Variants in ZBTB17 observed in about 807,000 individuals in gnomAD.
The protein encoded by ZBTB17 is zinc finger and BTB domain-containing protein 17.
In ZBTB17, 24 loss-of-function variants were observed where a neutral mutation model predicts 85.1. The observed-to-expected ratio is 0.28, with a 90% CI of 0.20 to 0.40. The LOEUF (loss-of-function observed/expected upper bound fraction) is 0.40. Among genes scored for constraint, ZBTB17 ranks in the 10% least tolerant of loss-of-function variants. ZBTB17 has a pLI of 1.00. For synonymous variants in ZBTB17, 464 were observed against 460.2 expected (o/e 1.01, Z -0.11); for missense variants, 743 against 1,105.1 (o/e 0.67, Z 4.65).
Position 15,951,886 on chromosome 1 carries a change from C to A in ZBTB17, c.-2-3389G>T, listed in dbSNP as rs1324673618. Among the ~76,000 whole-genome samples, 1 of 152,064 alleles carries A rather than the reference C, an allele frequency of 6.6e-6. No homozygotes were observed. Among genetic ancestry groups the A allele is most frequent in the Non-Finnish European group, 1.5e-5 (1 of 68,008 alleles). On this transcript the variant is annotated intron_variant, in intron 2 of 15. Transcript: ENST00000375743. The surrounding 1 kb of genome is among the most constrained non-coding windows in gnomAD (Gnocchi z 4.1). ...CTGGGGAGACGTTAACCACAGTAAT[C>A]AGATCAACAGCCAGCTGCTCCCCAT...
chr1:15,959,072 G>C (rs2072155340), intron 2 of ZBTB17, among the ~76,000 whole-genome samples: 1 of 152,230 alleles, frequency 6.6e-6, no homozygotes, highest in African/African-American at 2.4e-5. Flanking sequence ...CTGGTGCCAA[G>C]AATCCAACAC....
In ZBTB17 at chr1:15,953,669, G is replaced by C. The variant is rs2071945420; in HGVS notation, c.-2-5172C>G. Among the ~76,000 whole-genome samples, 1 of 152,230 alleles carries C rather than the reference G, an allele frequency of 6.6e-6. No individual in the cohort carries two copies. Among genetic ancestry groups the C allele is most frequent in the Non-Finnish European group, 1.5e-5 (1 of 68,040 alleles). ...GCCTCCACGACGCAGGGATTCCAGT[G>C]GCGGCTGAGCCCCATGGAAGCAGCA... On this transcript the variant is annotated intron_variant, in intron 2 of 15. Coordinates refer to ENST00000375743, the MANE Select transcript of ZBTB17 (RefSeq NM_003443.3). The surrounding 1 kb of genome is among the most constrained non-coding windows in gnomAD (Gnocchi z 5.1).
chr1:15,963,521 A>G (rs1047677565), intron 2 of ZBTB17, among the ~76,000 whole-genome samples: 4 of 152,158 alleles, frequency 2.6e-5, no homozygotes, highest in Non-Finnish European at 5.9e-5. Context: ...CCCCATCCCC[A>G]GAGGGAGGTC....
intron 4 of ZBTB17, among the ~76,000 whole-genome samples, chr1:15,946,642 TTTATC>T (rs1447675189): frequency 3.3e-5 from 5 of 152,190 alleles, no homozygotes; most frequent in African/African-American, 9.7e-5. Flanking sequence ...TCTGAGGGCT[TTTATC>T]TTAGCAGCTA....
At chr1:15,947,211 A>G in intron 3 of ZBTB17, 88 bp from the exon 4 acceptor site, 1 of 1,366,324 alleles carries the variant, frequency 7.3e-7, no homozygotes, top group Non-Finnish European at 9.9e-7. Flanking sequence ...AGCAGGACGC[A>G]GGGATTTAGG....
rs561284437 is a variant in ZBTB17 at position 15,972,501 on chromosome 1, G to T, written c.-3+538C>A. Reference sequence around the variant, plus strand: ...GATGCAGGAACTGGCTTATGTTTGGGAACCATGTTGCACAAAAATCCCACC... The same window carrying T: ...GATGCAGGAACTGGCTTATGTTTGGTAACCATGTTGCACAAAAATCCCACC... On this transcript the variant is annotated intron_variant, in intron 2 of 15. Coordinates refer to ENST00000375743, the MANE Select transcript of ZBTB17 (RefSeq NM_003443.3). Among the ~76,000 whole-genome samples the T allele has an allele frequency of 2.7e-4, 41 of 152,298 alleles. 1 individual carries two copies. Among genetic ancestry groups the T allele is most frequent in the Admixed American group, 1.6e-3 (25 of 15,300 alleles).
intron 5 of ZBTB17, 48 bp from the exon 6 acceptor site, chr1:15,945,888 G>A: frequency 6.4e-7 from 1 of 1,568,220 alleles, no homozygotes; most frequent in Non-Finnish European, 8.6e-7. Context: ...TCTGCCCAGG[G>A]GTCGGATACC....
intron 4 of ZBTB17, 152 bp downstream of exon 4, chr1:15,946,783 G>T: frequency 9.9e-7 from 1 of 1,007,136 alleles, no homozygotes. Flanking sequence ...AGGCAGAGAG[G>T]CCACCCTCAG....
intron 1 of ZBTB17, among the ~76,000 whole-genome samples, chr1:15,974,784 C>A (rs1449950687): frequency 1.3e-5 from 2 of 152,114 alleles, no homozygotes; most frequent in Non-Finnish European, 2.9e-5. Context: ...CCATATTGGC[C>A]AGGCTGGTCT....
rs1306732138 is a variant in ZBTB17 at position 15,970,485 on chromosome 1, G to A, written c.-3+2554C>T. Among the ~76,000 whole-genome samples, 8 of 117,606 alleles carry A rather than the reference G, an allele frequency of 6.8e-5. No homozygotes were observed. The South Asian group carries it at 8.8e-4, about 13-fold the overall frequency. 77.2% of individuals were successfully genotyped at this position (117,606 alleles called of 152,430 possible). A position where few individuals can be genotyped will look rare whatever the true frequency, so the allele number is the denominator to read the frequency against. ...CAGCTCACTGCAACCTCCGCCTCCCGGGTTCTCCTGCCTCAGCCTCCCGAG... is the reference window on the plus strand; with the variant it reads ...CAGCTCACTGCAACCTCCGCCTCCCAGGTTCTCCTGCCTCAGCCTCCCGAG... On this transcript the variant is annotated intron_variant, in intron 2 of 15. Transcript: ENST00000375743.
In ZBTB17 at chr1:15,973,116, G is replaced by A. The variant is rs996282619; in HGVS notation, c.-80C>T. ...AACTCCAGCTTGGCTCCCCTCGTCC[G>A]GCTCATTACCTGAATCAATGACACA... On this transcript the variant is annotated 5_prime_UTR_variant, in exon 2 of 16. Transcript: ENST00000375743. This position sits in a 1 kb window ranked among gnomAD's most constrained non-coding sequence, Gnocchi z 4.1. 5 of 152,116 alleles carry A rather than the reference G, an allele frequency of 3.3e-5. No homozygotes were observed. Among genetic ancestry groups the A allele is most frequent in the East Asian group, 1.9e-4 (1 of 5,200 alleles). The allele number at this position is 152,116 out of a possible 1,614,324, so 9.4% of individuals were successfully genotyped here. A position where few individuals can be genotyped will look rare whatever the true frequency, so the allele number is the denominator to read the frequency against.
intron 2 of ZBTB17, among the ~76,000 whole-genome samples, chr1:15,949,425 C>T (rs1279729511): frequency 6.6e-6 from 1 of 152,196 alleles, no homozygotes; most frequent in Non-Finnish European, 1.5e-5. Flanking sequence ...TAGAAAGAAC[C>T]CATTTCAGAA....
At chr1:15,943,222 TG>T in intron 12 of ZBTB17, 28 bp from the exon 13 acceptor site, 1 of 1,614,084 alleles carries the variant, frequency 6.2e-7, no homozygotes, top group East Asian at 2.2e-5. Context: ...GGGACTCGCA[TG>T]GAACTGCCCC....
In ZBTB17 at chr1:15,943,747, G is replaced by C. The variant is rs560955409; in HGVS notation, c.1460-32C>G. ...CGAGACCGAGGGCGAACCTGGCGTG[G>C]GGCACCACCGGTGGCCGAGGAGCAG... On this transcript the variant is annotated intron_variant, in intron 10 of 15. Coordinates refer to ENST00000375743, the MANE Select transcript of ZBTB17 (RefSeq NM_003443.3). The C allele has an allele frequency of 1.1e-5, 18 of 1,612,814 alleles. No homozygotes were observed. In the South Asian group the frequency reaches 2.0e-4, roughly 18 times the overall value.
rs774158394 is a variant in ZBTB17 at position 15,944,435 on chromosome 1, G to A, written c.1236C>T (p.His412=). 1 of 1,573,094 alleles carries A rather than the reference G, an allele frequency of 6.4e-7. No homozygotes were observed. The highest frequency in any genetic ancestry group is 1.2e-5 in the South Asian group (1 of 86,160). The part of the protein sequence containing the change: ...SGNLKRHQLV[H]SGEKPYQCDY... ...CGCACTGGTAGGGCTTCTCGCCGCT[G>A]TGCACCAGCTGGTGGCGCTTGAGGT... Residue 412 remains histidine, a synonymous_variant, in exon 9 of 16, where the codon CAC becomes CAT. Coordinates refer to ENST00000375743, the MANE Select transcript of ZBTB17 (RefSeq NM_003443.3).
intron 2 of ZBTB17, among the ~76,000 whole-genome samples, chr1:15,971,369 T>C (rs557920976): frequency 1.7e-5 from 2 of 116,262 alleles, no homozygotes; most frequent in East Asian, 6.6e-4. Flanking sequence ...ACAATATATA[T>C]ATATACACAC....
At chr1:15,958,019 CAA>C (rs987807896) in intron 2 of ZBTB17, among the ~76,000 whole-genome samples, 8 of 152,146 alleles carry the variant, frequency 5.3e-5, no homozygotes, top group African/African-American at 1.9e-4. Flanking sequence ...ATTGGATAAA[CAA>C]GAGAAGAAAC....
intron 2 of ZBTB17, among the ~76,000 whole-genome samples, chr1:15,967,056 C>G (rs1361285329): frequency 6.6e-6 from 1 of 151,916 alleles, no homozygotes; most frequent in Non-Finnish European, 1.5e-5. Context: ...AGGTCCCTCC[C>G]TACTGTGATG....
At chr1:15,948,932 T>C (rs1402278973) in intron 2 of ZBTB17, among the ~76,000 whole-genome samples, 2 of 152,208 alleles carry the variant, frequency 1.3e-5, no homozygotes, top group East Asian at 3.9e-4. Context: ...CAATTGGACA[T>C]GTTGGTCTTT....
Sources: gnomAD v4.1 joint callset for allele counts (sites outside exome capture counted in the v4.1 genomes callset) on GRCh38, gnomAD v4.1.1 for gene constraint, Gnocchi (gnomAD v3.1) non-coding constraint, MANE v1.5 for transcripts, NCBI Gene and HGNC (gene_info 2026-07-23, HGNC 2026-07-21) for gene names.